TMEM108: variants seen among roughly 807,000 people sequenced by gnomAD.
TMEM108 encodes cancer/testis antigen 124.
TMEM108 carries 12 observed loss-of-function variants against 35.1 expected under a neutral mutation model. The ratio of observed to expected loss-of-function variants is 0.34; its 90% CI spans 0.22 to 0.55. The LOEUF (loss-of-function observed/expected upper bound fraction) is 0.55, where lower values mean the gene tolerates loss of function less well. Among genes scored for constraint, TMEM108 ranks in the 20% least tolerant of loss-of-function variants. TMEM108 has a pLI of 0.89. For synonymous variants in TMEM108, 287 were observed against 308.6 expected (o/e 0.93, Z 0.73); for missense variants, 680 against 753.3 (o/e 0.90, Z 1.14).
chr3:133,340,636 G>T (rs1457899134), intron 3 of TMEM108, among the ~76,000 whole-genome samples: 1 of 151,362 alleles, frequency 6.6e-6, no homozygotes, highest in Non-Finnish European at 1.5e-5. Flanking sequence ...AAAACTATAG[G>T]CCAGTATCAC....
intron 3 of TMEM108, among the ~76,000 whole-genome samples, chr3:133,333,653 T>A (rs1662819321): frequency 6.6e-6 from 1 of 152,210 alleles, no homozygotes; most frequent in African/African-American, 2.4e-5. Flanking sequence ...CATAAAAGGC[T>A]TAAGAGTTGA....
chr3:133,131,383 A>G (rs1220743672), intron 2 of TMEM108, among the ~76,000 whole-genome samples: 3 of 151,490 alleles, frequency 2.0e-5, no homozygotes, highest in Admixed American at 6.6e-5. Flanking sequence ...GGGCGAGTCT[A>G]TCAACACCTA....
chr3:133,065,038 G>A (rs1943578884), intron 2 of TMEM108, among the ~76,000 whole-genome samples: 1 of 152,094 alleles, frequency 6.6e-6, no homozygotes, highest in Non-Finnish European at 1.5e-5. Flanking sequence ...CTTTTACAAG[G>A]CACAACCAGG....
intron 2 of TMEM108, among the ~76,000 whole-genome samples, chr3:133,057,466 T>G (rs1284418137): frequency 2.2e-5 from 1 of 45,026 alleles, no homozygotes; most frequent in Non-Finnish European, 5.6e-5. Context: ...TATATATATA[T>G]ATATATATAT....
chr3:133,378,307 C>T, intron 3 of TMEM108: 11 of 980,216 alleles, frequency 1.1e-5, no homozygotes, highest in Non-Finnish European at 1.3e-5. Flanking sequence ...AAAGGCATGC[C>T]TGGAGATCTC....
In TMEM108 at chr3:133,319,296, T is replaced by C. The variant is rs530429367; in HGVS notation, c.41-60456T>C. 2.5e-4 allele frequency among the ~76,000 whole-genome samples: 38 copies of C among 152,262 alleles called. 1 individual carries two copies. Among genetic ancestry groups the C allele is most frequent in the South Asian group, 1.0e-3 (5 of 4,816 alleles). ...CGAAAGACATAAACTCTTGGGAGCT[T>C]TATGACCCTGACCATTGCCTCAGAA... On this transcript the variant is annotated intron_variant, in intron 3 of 5. Transcript: ENST00000321871.
At chr3:133,372,864 C>G (rs948517521) in intron 3 of TMEM108, among the ~76,000 whole-genome samples, 3 of 152,192 alleles carry the variant, frequency 2.0e-5, no homozygotes, top group African/African-American at 7.2e-5. Flanking sequence ...CTCAAAACTC[C>G]TTGGTTTCAT....
At chr3:133,187,196 T>C (rs1361883886) in intron 2 of TMEM108, among the ~76,000 whole-genome samples, 1 of 152,200 alleles carries the variant, frequency 6.6e-6, no homozygotes, top group Admixed American at 6.5e-5. Flanking sequence ...CAGAACTGTT[T>C]TCTTAACTTT....
rs544332843 is a variant in TMEM108, at chr3:133,167,518, A to G, written c.-46-61748A>G. Among the ~76,000 whole-genome samples, 461 of 152,360 alleles carry G rather than the reference A, an allele frequency of 3.0e-3. 5 individuals carry two copies. Among genetic ancestry groups the G allele is most frequent in the Non-Finnish European group, 1.4e-3 (92 of 68,034 alleles). On this transcript the variant is annotated intron_variant, in intron 2 of 5. Transcript: ENST00000321871. ...GGGGGACTTGGGCATGGTGGGCTAC[A>G]GGTCCCAAGCCCTGCCCCGCGGGGA...
chr3:133,376,951 G>A (rs978160007), intron 3 of TMEM108, among the ~76,000 whole-genome samples: 3 of 152,112 alleles, frequency 2.0e-5, no homozygotes, highest in Admixed American at 6.5e-5. Context: ...AATTCAAGGC[G>A]CCAATAGGGT....
rs1270650502 is a variant in TMEM108, at chr3:133,057,431, GTGTGTATATATATATATA to G, written c.-47+11413_-47+11430del. ...AATATGGGCTATTAGTTGTGTGTGTGTGTGTATATATATATATATATATATATATATATATATATATAT... is the reference window on the plus strand; with the variant it reads ...AATATGGGCTATTAGTTGTGTGTGTGTATATATATATATATATATATATAT... On this transcript the variant is annotated intron_variant, in intron 2 of 5. Transcript: ENST00000321871. Among the ~76,000 whole-genome samples the G allele has an allele frequency of 9.0e-3, 381 of 42,420 alleles. 8 individuals are homozygous for G. Among genetic ancestry groups the G allele is most frequent in the East Asian group, 0.044 (98 of 2,206 alleles). 27.8% of individuals were successfully genotyped at this position (42,420 alleles called of 152,430 possible). A position where few individuals can be genotyped will look rare whatever the true frequency, so the allele number is the denominator to read the frequency against.
At chr3:133,097,145 C>CTTAG (rs1359968669) in intron 2 of TMEM108, among the ~76,000 whole-genome samples, 2 of 152,172 alleles carry the variant, frequency 1.3e-5, no homozygotes, top group African/African-American at 2.4e-5. Context: ...ATGCAGTGTG[C>CTTAG]TTAGATAAGC....
At chr3:133,226,930 TG>T (rs1559874640) in intron 2 of TMEM108, among the ~76,000 whole-genome samples, 1 of 152,106 alleles carries the variant, frequency 6.6e-6, no homozygotes, top group African/African-American at 2.4e-5. Flanking sequence ...TCACATCTTA[TG>T]TGGATGGTGG....
At chr3:133,193,482 C>G (rs1459955170) in intron 2 of TMEM108, among the ~76,000 whole-genome samples, 2 of 152,054 alleles carry the variant, frequency 1.3e-5, no homozygotes, top group Admixed American at 6.6e-5. Context: ...GGACAGTGAG[C>G]TTAGCAAAGT....
chr3:133,041,187 T>C (rs945164190), intron 1 of TMEM108, among the ~76,000 whole-genome samples: 6 of 152,230 alleles, frequency 3.9e-5, no homozygotes, highest in Admixed American at 2.0e-4. Flanking sequence ...AGCTGCCTCA[T>C]TGGCTAGCCT....
At chr3:133,256,982 A>G (rs1576416363) in intron 3 of TMEM108, 2 of 152,226 alleles carry the variant, frequency 1.3e-5, no homozygotes, top group Non-Finnish European at 2.9e-5. Flanking sequence ...GGTGAGAGGG[A>G]TGACAATCAT....
At chr3:133,157,445 A>C (rs1034924874) in intron 2 of TMEM108, among the ~76,000 whole-genome samples, 2 of 152,206 alleles carry the variant, frequency 1.3e-5, no homozygotes, top group Non-Finnish European at 2.9e-5. Context: ...ACACACATAT[A>C]TATTTAACAA....
chr3:133,315,481 A>G (rs1238855134), intron 3 of TMEM108, among the ~76,000 whole-genome samples: 2 of 152,188 alleles, frequency 1.3e-5, no homozygotes, highest in Non-Finnish European at 2.9e-5. Context: ...TTGGCCCCTC[A>G]CCCCAGCCCC....
At chr3:133,284,605 C>G (rs929205034) in intron 3 of TMEM108, among the ~76,000 whole-genome samples, 23 of 152,210 alleles carry the variant, frequency 1.5e-4, no homozygotes, top group African/African-American at 5.5e-4. Flanking sequence ...TGATGAATCC[C>G]AGCTCCCATG....
Sources: allele counts gnomAD v4.1 joint callset (sites outside exome capture counted in the v4.1 genomes callset), GRCh38; gene constraint gnomAD v4.1.1; transcripts MANE v1.5; gene names NCBI Gene and HGNC (gene_info 2026-07-23, HGNC 2026-07-21).